Variants in GRM7 observed in about 807,000 individuals in gnomAD.
GRM7 encodes the protein metabotropic glutamate receptor 7.
A neutral mutation model predicts 84.5 loss-of-function variants in GRM7; 35 were observed. The ratio of observed to expected loss-of-function variants is 0.41; its 90% CI spans 0.32 to 0.55. The LOEUF (loss-of-function observed/expected upper bound fraction) is 0.55. Among genes scored for constraint, GRM7 ranks in the 20% least tolerant of loss-of-function variants. The pLI is 0.19. For synonymous variants in GRM7, 487 were observed against 455.1 expected (o/e 1.07, Z -0.89); for missense variants, 1,003 against 1,194.6 (o/e 0.84, Z 2.36).
intron 2 of GRM7, among the ~76,000 whole-genome samples, chr3:7,192,786 T>A (rs1239104349): frequency 6.6e-6 from 1 of 152,110 alleles, no homozygotes; most frequent in Non-Finnish European, 1.5e-5. Flanking sequence ...AAGCAGGTAA[T>A]CTTTGATGAC....
chr3:7,079,396 G>T (rs1258775730), intron 1 of GRM7, among the ~76,000 whole-genome samples: 2 of 152,172 alleles, frequency 1.3e-5, no homozygotes, highest in Non-Finnish European at 2.9e-5. Flanking sequence ...TGATACTTCA[G>T]AAGTCCAAGA....
chr3:7,279,508 A>G (rs1022559052), intron 2 of GRM7, among the ~76,000 whole-genome samples: 20 of 152,186 alleles, frequency 1.3e-4, no homozygotes, highest in Non-Finnish European at 5.9e-5. Flanking sequence ...AGTTGACACC[A>G]CATCCACCAG....
intron 2 of GRM7, among the ~76,000 whole-genome samples, chr3:7,175,781 G>T (rs770541354): frequency 9.9e-5 from 15 of 152,026 alleles, no homozygotes; most frequent in Non-Finnish European, 2.1e-4. Flanking sequence ...CAAGTGATCT[G>T]CCCGCCTTGG....
At chr3:7,574,781 A>C (rs1271152070) in intron 7 of GRM7, among the ~76,000 whole-genome samples, 1 of 152,002 alleles carries the variant, frequency 6.6e-6, no homozygotes, top group African/African-American at 2.4e-5. Context: ...ACTAATGGCA[A>C]CTCCTGCAGT....
At chr3:7,721,832 A>C (rs1188586987) in intron 9 of GRM7, among the ~76,000 whole-genome samples, 2 of 152,194 alleles carry the variant, frequency 1.3e-5, no homozygotes, top group Non-Finnish European at 2.9e-5. Flanking sequence ...AGAATAAGAA[A>C]CTGTCATTTT....
At chr3:7,520,774 T>A (rs1472555402) in intron 7 of GRM7, among the ~76,000 whole-genome samples, 1 of 152,220 alleles carries the variant, frequency 6.6e-6, no homozygotes, top group African/African-American at 2.4e-5. Flanking sequence ...CCCATTTCCC[T>A]GAGGGAGATC....
intron 1 of GRM7, among the ~76,000 whole-genome samples, chr3:6,937,380 T>C (rs531361196): frequency 1.3e-5 from 2 of 152,150 alleles, no homozygotes; most frequent in Non-Finnish European, 2.9e-5. Flanking sequence ...CTTAAACAAA[T>C]TGAGTTTGGC....
intron 7 of GRM7, among the ~76,000 whole-genome samples, chr3:7,578,101 A>G (rs1364224000): frequency 2.0e-5 from 3 of 152,166 alleles, no homozygotes; most frequent in African/African-American, 7.2e-5. Context: ...TCCTTTGGGC[A>G]CTTGTTATAA....
At chr3:7,721,279 A>G (rs1701937868) in intron 9 of GRM7, among the ~76,000 whole-genome samples, 1 of 152,232 alleles carries the variant, frequency 6.6e-6, no homozygotes, top group South Asian at 2.1e-4. Context: ...GTCAAATTGT[A>G]TAAGGTAGAC....
intron 8 of GRM7, among the ~76,000 whole-genome samples, chr3:7,612,056 T>G (rs569468192): frequency 6.6e-6 from 1 of 152,304 alleles, no homozygotes; most frequent in East Asian, 1.9e-4. Flanking sequence ...TCTATGGTTT[T>G]ACTAGATGCC....
At chr3:7,662,904 A>AT (rs1248820394) in intron 8 of GRM7, among the ~76,000 whole-genome samples, 2 of 152,242 alleles carry the variant, frequency 1.3e-5, no homozygotes. Flanking sequence ...ATTCATAGTC[A>AT]TAGGAATGCA....
At chr3:7,097,132 G>T (rs1698885490) in intron 1 of GRM7, among the ~76,000 whole-genome samples, 2 of 152,126 alleles carry the variant, frequency 1.3e-5, no homozygotes, top group Non-Finnish European at 2.9e-5. Flanking sequence ...TCAACACTGA[G>T]TTGATCACTT....
At chr3:7,661,652 G>A (rs539093009) in intron 8 of GRM7, among the ~76,000 whole-genome samples, 1 of 151,786 alleles carries the variant, frequency 6.6e-6, no homozygotes, top group East Asian at 1.9e-4. Context: ...AAATTAGCCG[G>A]GCGTCGTGGC....
At chr3:7,516,257 C>T (rs982714563) in intron 7 of GRM7, among the ~76,000 whole-genome samples, 1 of 149,198 alleles carries the variant, frequency 6.7e-6, no homozygotes, top group African/African-American at 2.5e-5. Flanking sequence ...GCGGGCAGAT[C>T]ATAAGGTCAG....
At chr3:7,056,357 GGTTTA>G (rs958109701) in intron 1 of GRM7, among the ~76,000 whole-genome samples, 1 of 151,862 alleles carries the variant, frequency 6.6e-6, no homozygotes, top group African/African-American at 2.4e-5. Context: ...GTGCCTTTTA[GGTTTA>G]CTTTCTCATC....
chr3:7,180,756 A>G lies in GRM7; in HGVS notation c.736+34088A>G, dbSNP rs542114451. The stretch of plus-strand genomic sequence containing the variant: ...CTATGCCGATTATAAAGACCTCTGT[A>G]AATTAAATGCAGCAAAGAAATGTTC... On this transcript the variant is annotated intron_variant, in intron 2 of 9. Transcript: ENST00000357716. Among the ~76,000 whole-genome samples, 5 of 152,262 alleles carry G rather than the reference A, an allele frequency of 3.3e-5. No individual in the cohort carries two copies. The South Asian group carries it at 1.0e-3, about 32-fold the overall frequency.
intron 7 of GRM7, among the ~76,000 whole-genome samples, chr3:7,561,146 C>T (rs1233554714): frequency 6.6e-6 from 1 of 152,080 alleles, no homozygotes; most frequent in Non-Finnish European, 1.5e-5. Context: ...GAATCTAGTG[C>T]ATTCATGCTT....
chr3:7,431,408 G>A (rs999932796), intron 5 of GRM7, among the ~76,000 whole-genome samples: 5 of 152,046 alleles, frequency 3.3e-5, no homozygotes, highest in African/African-American at 1.2e-4. Context: ...CCTTCTTAGT[G>A]GGGGGAGATT....
intron 1 of GRM7, among the ~76,000 whole-genome samples, chr3:7,072,151 G>T (rs958311894): frequency 6.6e-6 from 1 of 152,150 alleles, no homozygotes; most frequent in Admixed American, 6.6e-5. Context: ...TTTTCACTAT[G>T]GGCATAACCT....
Sources: allele counts gnomAD v4.1 joint callset (sites outside exome capture counted in the v4.1 genomes callset), GRCh38; gene constraint gnomAD v4.1.1; transcripts MANE v1.5; gene names NCBI Gene and HGNC (gene_info 2026-07-23, HGNC 2026-07-21).